Variants in MFSD8 observed in about 807,000 individuals in gnomAD.
The protein encoded by MFSD8 is major facilitator superfamily domain-containing protein 8.
MFSD8 carries 55 observed loss-of-function variants against 66.4 expected under a neutral mutation model. That is an observed-to-expected ratio of 0.83 (90% CI 0.67 to 1.04). The LOEUF (loss-of-function observed/expected upper bound fraction) is 1.04. Among genes scored for constraint, MFSD8 ranks in the 50% least tolerant of loss-of-function variants. The pLI is 0.00. For synonymous variants in MFSD8, 202 were observed against 212.8 expected (o/e 0.95, Z 0.44); for missense variants, 550 against 627.6 (o/e 0.88, Z 1.32).
rs549337295 is a variant in MFSD8, at chr4:127,919,615, G to C, written c.*1015C>G. The C allele has an allele frequency of 6.6e-6, 1 of 152,214 alleles. No homozygotes were observed. The highest frequency in any genetic ancestry group is 1.9e-4 in the East Asian group (1 of 5,180). 9.4% of individuals were successfully genotyped at this position (152,214 alleles called of 1,614,324 possible). ...AAATACTTATTAGCCTGACTAGTTTGGGGCTGTCAGGGATCATCCAAATTA... is the reference window on the plus strand; with the variant it reads ...AAATACTTATTAGCCTGACTAGTTTCGGGCTGTCAGGGATCATCCAAATTA... On this transcript the variant is annotated 3_prime_UTR_variant, in exon 12 of 12. Coordinates refer to ENST00000641686, the MANE Select transcript of MFSD8 (RefSeq NM_001371596.2).
At chr4:127,947,357 G>T (rs1388943748) in intron 3 of MFSD8, among the ~76,000 whole-genome samples, 2 of 152,028 alleles carry the variant, frequency 1.3e-5, no homozygotes, top group Non-Finnish European at 2.9e-5. Context: ...GAGGTGGGTG[G>T]ACCACCTGAG....
intron 7 of MFSD8, among the ~76,000 whole-genome samples, chr4:127,933,938 TC>T (rs139655786): frequency 0.027 from 4,089 of 152,240 alleles, 161 homozygotes; most frequent in African/African-American, 0.093. Flanking sequence ...ATACATGTAA[TC>T]CCAGCAGGTG....
At chr4:127,932,941 G>C in intron 8 of MFSD8, 44 bp downstream of exon 8, 1 of 1,533,000 alleles carries the variant, frequency 6.5e-7, no homozygotes, top group South Asian at 1.1e-5. Context: ...AGAAATAAAG[G>C]TTAAAACATA....
chr4:127,920,990 A>G, intron 11 of MFSD8, 154 bp from the exon 12 acceptor site: 1 of 687,266 alleles, frequency 1.5e-6, no homozygotes. Context: ...CTATAAATAT[A>G]GCATTTAATA....
chr4:127,920,571 A>C lies in MFSD8; in HGVS notation c.*59T>G. On this transcript the variant is annotated 3_prime_UTR_variant, in exon 12 of 12. Transcript: ENST00000641686. ...GACTGGCTCACCGCAATTGTCTAGC[A>C]GAGCTTTAGACCAGGAAGTGCCACA... is the stretch of plus-strand genomic sequence containing the variant. 1 of 1,555,570 alleles carries C rather than the reference A, an allele frequency of 6.4e-7. No individual in the cohort carries two copies. Among genetic ancestry groups the C allele is most frequent in the Non-Finnish European group, 8.9e-7 (1 of 1,129,052 alleles).
Position 127,939,875 on chromosome 4 carries a change from T to C in MFSD8, c.676A>G (p.Ile226Val). ...LSAFLGILNI[I>V]LILAILREHR... ...TACCTTAGTATGGCAAGGATCAGAA[T>C]AATATTTAAAATTCCCAGGAAGGCG... The change falls in exon 6 of 12, where the codon ATT (isoleucine) becomes GTT (valine). Residue 226 changes from isoleucine (I) to valine (V), a missense_variant. Physicochemically the swap from Ile to Val is conservative, Grantham distance 29. Transcript: ENST00000641686. 4 of 1,613,272 alleles carry C rather than the reference T, an allele frequency of 2.5e-6. No homozygotes were observed. Among genetic ancestry groups the C allele is most frequent in the Non-Finnish European group, 3.4e-6 (4 of 1,179,520 alleles).
At chr4:127,931,499 A>G (rs1281148771) in intron 8 of MFSD8, among the ~76,000 whole-genome samples, 1 of 152,106 alleles carries the variant, frequency 6.6e-6, no homozygotes, top group Non-Finnish European at 1.5e-5. Context: ...CTGGGACTAA[A>G]GGCGCCTGCC....
upstream of MFSD8, chr4:127,965,353 G>A: frequency 1.6e-6 from 1 of 622,522 alleles, no homozygotes. Context: ...CCCTCGGCAC[G>A]CGCCTCCCAT....
chr4:127,954,820 G>T (rs559078982), intron 2 of MFSD8, among the ~76,000 whole-genome samples: 1 of 152,108 alleles, frequency 6.6e-6, no homozygotes, highest in Non-Finnish European at 1.5e-5. Flanking sequence ...CTAATAAATG[G>T]GCAATGGTCT....
At chr4:127,964,381 C>T (rs746927538) in intron 1 of MFSD8, among the ~76,000 whole-genome samples, 1 of 152,242 alleles carries the variant, frequency 6.6e-6, no homozygotes, top group Non-Finnish European at 1.5e-5. Flanking sequence ...AGCCCTGCCC[C>T]GCGGGAAGGC....
Position 127,921,969 on chromosome 4 carries a change from A to G in MFSD8, c.999-6T>C. The G allele has an allele frequency of 6.2e-7, 1 of 1,610,436 alleles. No individual in the cohort carries two copies. Among genetic ancestry groups the G allele is most frequent in the Non-Finnish European group, 8.5e-7 (1 of 1,176,790 alleles). On this transcript the variant is annotated splice_region_variant and splice_polypyrimidine_tract_variant and intron_variant, in intron 9 of 11. Transcript: ENST00000641686. ...GAATAGCACGCTCGCCAATCCTGTT[A>G]AAGAACAGAAACTCTGTAATTTTAA...
At chr4:127,930,544 A>G in intron 9 of MFSD8, 139 bp downstream of exon 9, 1 of 946,432 alleles carries the variant, frequency 1.1e-6, no homozygotes, top group East Asian at 2.6e-5. Context: ...TAGAAATATG[A>G]TAATCTCTTA....
intron 1 of MFSD8, 164 bp downstream of exon 1, chr4:127,964,908 C>A (rs1744759037): frequency 1.2e-6 from 1 of 815,110 alleles, no homozygotes; most frequent in Non-Finnish European, 2.0e-6. Context: ...CTTTCTCCTA[C>A]GTTGGGAGCG....
chr4:127,960,306 G>A (rs1743533060), intron 1 of MFSD8, among the ~76,000 whole-genome samples: 1 of 152,202 alleles, frequency 6.6e-6, no homozygotes, highest in Non-Finnish European at 1.5e-5. Flanking sequence ...AAGCCGGGCA[G>A]ACTGCTTGAG....
At chr4:127,949,903 G>GAAATTA in intron 2 of MFSD8, 56 bp from the exon 3 acceptor site, 1 of 1,458,850 alleles carries the variant, frequency 6.9e-7, no homozygotes, top group Non-Finnish European at 9.5e-7. Context: ...CATTATTACA[G>GAAATTA]ATACAATTTT....
At chr4:127,948,460 T>A (rs889607864) in intron 3 of MFSD8, among the ~76,000 whole-genome samples, 6 of 152,176 alleles carry the variant, frequency 3.9e-5, no homozygotes, top group African/African-American at 1.4e-4. Context: ...CACTTGGCCC[T>A]CTTCCAAGTG....
At chr4:127,958,330 C>A (rs1743216958) in intron 1 of MFSD8, among the ~76,000 whole-genome samples, 2 of 152,138 alleles carry the variant, frequency 1.3e-5, no homozygotes, top group Admixed American at 6.5e-5. Flanking sequence ...AACAAGTTCA[C>A]CTTAACGTGA....
chr4:127,940,985 C>A (rs1041423461), intron 5 of MFSD8, among the ~76,000 whole-genome samples: 8 of 152,024 alleles, frequency 5.3e-5, no homozygotes, highest in Admixed American at 5.2e-4. Flanking sequence ...ATCTATAATG[C>A]AAAATTTTTA....
chr4:127,937,671 A>G (rs1739300886), intron 7 of MFSD8, among the ~76,000 whole-genome samples: 1 of 152,196 alleles, frequency 6.6e-6, no homozygotes. Flanking sequence ...GCTTTTCAGT[A>G]ATGAAATTGT....
Sources: allele counts gnomAD v4.1 joint callset (sites outside exome capture counted in the v4.1 genomes callset), GRCh38; gene constraint gnomAD v4.1.1; transcripts MANE v1.5; gene names NCBI Gene and HGNC (gene_info 2026-07-23, HGNC 2026-07-21).